Variants in AMMECR1L observed in about 807,000 individuals in gnomAD.
AMMECR1L encodes the protein AMMECR1-like protein.
Under a neutral mutation model 36.8 loss-of-function variants are expected in AMMECR1L, and 4 were observed. That is an observed-to-expected ratio of 0.11 (90% CI 0.05 to 0.25). The LOEUF is 0.25. Among genes scored for constraint, AMMECR1L ranks in the 10% least tolerant of loss-of-function variants. The pLI is 1.00. For synonymous variants in AMMECR1L, 147 were observed against 148.0 expected, an observed-to-expected ratio of 0.99 and a Z score of 0.05; for missense variants, 232 against 392.1, an observed-to-expected ratio of 0.59 and a Z score of 3.45.
At chr2:127,866,468 C>A (rs1306329354) in intron 7 of AMMECR1L, among the ~76,000 whole-genome samples, 1 of 152,232 alleles carries the variant, frequency 6.6e-6, no homozygotes, top group Non-Finnish European at 1.5e-5. Context: ...AAGTATTCCC[C>A]ACAAATGAGA....
At chr2:127,870,614 A>C (rs554905404) in intron 5 of AMMECR1L, among the ~76,000 whole-genome samples, 200 bp downstream of exon 5, 1 of 152,182 alleles carries the variant, frequency 6.6e-6, no homozygotes, top group Non-Finnish European at 1.5e-5. Context: ...AATCAGGAGA[A>C]GCGAGCCTTT....
intron 3 of AMMECR1L, chr2:127,872,999 CAAGGG>C: frequency 1.0e-6 from 1 of 985,350 alleles, no homozygotes; most frequent in Non-Finnish European, 1.2e-6. Flanking sequence ...ACAGGCCTCC[CAAGGG>C]AAGAGGCTCC....
intron 1 of AMMECR1L, chr2:127,885,153 G>A (rs1691700629): frequency 8.1e-6 from 8 of 985,208 alleles, no homozygotes; most frequent in Non-Finnish European, 8.4e-6. Context: ...GCCAGCGGAG[G>A]TTAAGGAAGG....
At position 127,869,359 on chromosome 2, in the gene AMMECR1L, G is replaced by C; in HGVS notation, c.724+95C>G. The stretch of plus-strand genomic sequence containing the variant: ...AGAAAGGCCCTCATTCTCAGCTGCA[G>C]TTGGGCTGCAAGATGACACACTTCA... On this transcript the variant is annotated intron_variant, in intron 6 of 7. Coordinates refer to ENST00000272647, the MANE Select transcript of AMMECR1L (RefSeq NM_001199140.2). This position sits in a 1 kb window ranked among gnomAD's most constrained non-coding sequence, Gnocchi z 4.7. The C allele has an allele frequency of 8.3e-7, 1 of 1,200,026 alleles. No homozygotes were observed. Among genetic ancestry groups the C allele is most frequent in the Admixed American group, 1.7e-5 (1 of 57,662 alleles). The allele number at this position is 1,200,026 out of a possible 1,614,324, so 74.3% of individuals were successfully genotyped here. A position where few individuals can be genotyped will look rare whatever the true frequency, so the allele number is the denominator to read the frequency against.
At chr2:127,884,957 A>C in intron 1 of AMMECR1L, 4 of 168,652 alleles carry the variant, frequency 2.4e-5, no homozygotes, top group Non-Finnish European at 4.8e-5. Flanking sequence ...CACCCACTCT[A>C]TCCTAGGAGA....
intron 6 of AMMECR1L, 164 bp from the exon 7 acceptor site, chr2:127,867,160 T>C (rs953824015): frequency 2.0e-6 from 2 of 985,340 alleles, no homozygotes; most frequent in Admixed American, 6.1e-5. Flanking sequence ...GCCCAGTCTG[T>C]CTGCCAGTCC....
chr2:127,885,347 T>A, intron 1 of AMMECR1L: 1 of 970,442 alleles, frequency 1.0e-6, no homozygotes, highest in Non-Finnish European at 1.2e-6. Flanking sequence ...GGGGAGACGA[T>A]GGAGCGACGG....
Position 127,885,819 on chromosome 2 carries a change from T to C in AMMECR1L, c.-158A>G. ...AGCCCGAGTTTCCCACCTTTTCTCC[T>C]GGCCCAGACGCGGCTGGGGCGGACG... On this transcript the variant is annotated 5_prime_UTR_variant, in exon 1 of 8. Coordinates refer to ENST00000272647, the MANE Select transcript of AMMECR1L (RefSeq NM_001199140.2). 1 of 985,132 alleles carries C rather than the reference T, an allele frequency of 1.0e-6. No homozygotes were observed. Among genetic ancestry groups the C allele is most frequent in the Non-Finnish European group, 1.2e-6 (1 of 829,808 alleles). The allele number at this position is 985,132 out of a possible 1,614,324, so 61.0% of individuals were successfully genotyped here. A position where few individuals can be genotyped will look rare whatever the true frequency, so the allele number is the denominator to read the frequency against.
intron 6 of AMMECR1L, among the ~76,000 whole-genome samples, chr2:127,868,268 A>G (rs1690788987): frequency 6.6e-6 from 1 of 152,104 alleles, no homozygotes; most frequent in African/African-American, 2.4e-5. Context: ...TTTCCAACCA[A>G]CTTTCAAATG....
Position 127,873,213 on chromosome 2 carries a change from G to C in AMMECR1L, c.407+615C>G. 1.0e-6 allele frequency: 1 copy of C among 985,460 alleles called. No homozygotes were observed. Among genetic ancestry groups the C allele is most frequent in the Non-Finnish European group, 1.2e-6 (1 of 829,944 alleles). 61.0% of individuals were successfully genotyped at this position (985,460 alleles called of 1,614,324 possible). On this transcript the variant is annotated intron_variant, in intron 3 of 7. Transcript: ENST00000272647. This position sits in a 1 kb window ranked among gnomAD's most constrained non-coding sequence, Gnocchi z 5.2. ...TGAGGAAGAAGAAAATGCTAGCATGGAATTCTTCAGTTTACTTTATACATA... is the reference window on the plus strand; with the variant it reads ...TGAGGAAGAAGAAAATGCTAGCATGCAATTCTTCAGTTTACTTTATACATA...
chr2:127,876,138 G>A (rs930183127), intron 2 of AMMECR1L, among the ~76,000 whole-genome samples: 22 of 150,402 alleles, frequency 1.5e-4, no homozygotes, highest in African/African-American at 4.9e-4. Flanking sequence ...TCCTTGAGCC[G>A]AGGAGTTTGA....
At chr2:127,870,548 C>T (rs137977337) in intron 5 of AMMECR1L, among the ~76,000 whole-genome samples, 7 of 151,916 alleles carry the variant, frequency 4.6e-5, no homozygotes, top group African/African-American at 1.7e-4. Flanking sequence ...TTTTCTTTTA[C>T]CCCATTATCT....
chr2:127,866,653 C>T (rs1297866081), intron 7 of AMMECR1L, among the ~76,000 whole-genome samples: 1 of 152,222 alleles, frequency 6.6e-6, no homozygotes, highest in Non-Finnish European at 1.5e-5. Flanking sequence ...TCTGGCAAAG[C>T]CATCCACAGC....
intron 1 of AMMECR1L, 126 bp downstream of exon 1, chr2:127,885,684 G>A (rs1573574542): frequency 3.1e-6 from 3 of 983,470 alleles, no homozygotes; most frequent in African/African-American, 3.5e-5. Context: ...CCAGGACCGC[G>A]GGGTCTCTTC....
intron 6 of AMMECR1L, among the ~76,000 whole-genome samples, chr2:127,868,394 AG>A (rs1216808949): frequency 6.6e-6 from 1 of 152,210 alleles, no homozygotes; most frequent in African/African-American, 2.4e-5. Flanking sequence ...GGTGGCTAAA[AG>A]GTTTGCTATT....
At chr2:127,880,057 C>T (rs927042021) in intron 2 of AMMECR1L, among the ~76,000 whole-genome samples, 9 of 152,168 alleles carry the variant, frequency 5.9e-5, no homozygotes, top group African/African-American at 2.2e-4. Context: ...AATCCCTACA[C>T]TTAGAGAGGC....
chr2:127,868,681 T>A (rs1186468519), intron 6 of AMMECR1L, among the ~76,000 whole-genome samples: 1 of 151,888 alleles, frequency 6.6e-6, no homozygotes, highest in Non-Finnish European at 1.5e-5. Flanking sequence ...ATCTGCTCGA[T>A]CCACCCTACC....
intron 2 of AMMECR1L, among the ~76,000 whole-genome samples, chr2:127,876,863 C>A (rs894401206): frequency 2.0e-4 from 30 of 151,722 alleles, no homozygotes; most frequent in African/African-American, 6.8e-4. Flanking sequence ...ACTAAAAATA[C>A]AAAATTAGCT....
Position 127,865,286 on chromosome 2 carries a change from G to T in AMMECR1L, c.822-81C>A. 1 of 848,316 alleles carries T rather than the reference G, an allele frequency of 1.2e-6. No individual in the cohort carries two copies. Among genetic ancestry groups the T allele is most frequent in the Non-Finnish European group, 1.8e-6 (1 of 559,224 alleles). 52.5% of individuals were successfully genotyped at this position (848,316 alleles called of 1,614,324 possible). On this transcript the variant is annotated intron_variant, in intron 7 of 7. Transcript: ENST00000272647. This position sits in a 1 kb window ranked among gnomAD's most constrained non-coding sequence, Gnocchi z 5.4. ...GTCACTCAGCAGAGAAAAACCAAAA[G>T]CTTATTCCACATTTTGAAAGAATAA...
Sources: gnomAD v4.1 joint callset for allele counts (sites outside exome capture counted in the v4.1 genomes callset) on GRCh38, gnomAD v4.1.1 for gene constraint, Gnocchi (gnomAD v3.1) non-coding constraint, MANE v1.5 for transcripts, NCBI Gene and HGNC (gene_info 2026-07-23, HGNC 2026-07-21) for gene names.